The following INPP4B variants were observed in gnomAD, a reference collection of about 807,000 sequenced individuals.
INPP4B encodes inositol polyphosphate-4-phosphatase type II B.
A neutral mutation model predicts 122.5 loss-of-function variants in INPP4B; 55 were observed. That is an observed-to-expected ratio of 0.45 (90% CI 0.36 to 0.56). INPP4B has a LOEUF of 0.56. Among genes scored for constraint, INPP4B ranks in the 20% least tolerant of loss-of-function variants. The probability of loss-of-function intolerance (pLI) is 0.00; values close to 1 mark genes in which losing one functional copy is unlikely to be tolerated. For synonymous variants in INPP4B, 403 were observed against 388.7 expected (o/e 1.04, Z -0.43); for missense variants, 1,000 against 1,097.7 (o/e 0.91, Z 1.26).
At chr4:142,721,605 G>A (rs1764689681) in intron 2 of INPP4B, among the ~76,000 whole-genome samples, 1 of 152,098 alleles carries the variant, frequency 6.6e-6, no homozygotes, top group African/African-American at 2.4e-5. Context: ...GGTGGATCAT[G>A]AGGTCAGGAG....
At chr4:142,314,021 C>T (rs1766528493) in intron 8 of INPP4B, among the ~76,000 whole-genome samples, 1 of 152,152 alleles carries the variant, frequency 6.6e-6, no homozygotes, top group Admixed American at 6.5e-5. Flanking sequence ...TTTCAAATAG[C>T]TCTTCCAGTT....
At chr4:142,645,768 C>A (rs535239863) in intron 2 of INPP4B, among the ~76,000 whole-genome samples, 2 of 152,178 alleles carry the variant, frequency 1.3e-5, no homozygotes, top group Non-Finnish European at 2.9e-5. Flanking sequence ...ATCTATAAGC[C>A]ACTGCCATTT....
At chr4:142,772,512 A>G (rs1773242541) in intron 1 of INPP4B, among the ~76,000 whole-genome samples, 1 of 152,148 alleles carries the variant, frequency 6.6e-6, no homozygotes, top group Non-Finnish European at 1.5e-5. Flanking sequence ...CAGTAGATGG[A>G]AGAAAAGGGA....
chr4:142,547,313 A>G (rs1829751553), intron 2 of INPP4B, among the ~76,000 whole-genome samples: 2 of 152,084 alleles, frequency 1.3e-5, no homozygotes, highest in Admixed American at 1.3e-4. Flanking sequence ...TAAGAATAAA[A>G]CATCCTGACA....
At chr4:142,245,192 TTTC>T (rs1561594989) in intron 11 of INPP4B, among the ~76,000 whole-genome samples, 3 of 152,216 alleles carry the variant, frequency 2.0e-5, no homozygotes, top group Admixed American at 1.3e-4. Flanking sequence ...CTGATGATAG[TTTC>T]TTTTCTGTGC....
At chr4:142,377,812 T>C (rs1792541690) in intron 7 of INPP4B, among the ~76,000 whole-genome samples, 1 of 152,096 alleles carries the variant, frequency 6.6e-6, no homozygotes, top group Admixed American at 6.6e-5. Flanking sequence ...TTCATTACTC[T>C]TCATAGATTT....
At position 142,119,425 on chromosome 4, in the gene INPP4B, A is replaced by G. The variant is rs139518284; in HGVS notation, c.2135+2703T>C. On this transcript the variant is annotated intron_variant, in intron 21 of 25. Transcript: ENST00000262992. ...TGTCCATCAATGATAGAATGCATTTAGAAAATGTGTCACATATACACCATG... is the reference window on the plus strand; with the variant it reads ...TGTCCATCAATGATAGAATGCATTTGGAAAATGTGTCACATATACACCATG... Among the ~76,000 whole-genome samples, 481 of 152,296 alleles carry G rather than the reference A, an allele frequency of 3.2e-3. 5 individuals are homozygous for G. The highest frequency in any genetic ancestry group is 0.011 in the African/African-American group (454 of 41,572).
chr4:142,487,820 T>C (rs1821389915), intron 2 of INPP4B, among the ~76,000 whole-genome samples: 1 of 152,182 alleles, frequency 6.6e-6, no homozygotes, highest in African/African-American at 2.4e-5. Flanking sequence ...TTTAGTTGCC[T>C]TTTTGATTTG....
chr4:142,255,899 A>G (rs1321861479), intron 11 of INPP4B, among the ~76,000 whole-genome samples: 8 of 148,540 alleles, frequency 5.4e-5, no homozygotes, highest in African/African-American at 2.0e-4. Flanking sequence ...AACAGAATAT[A>G]CATTTTTTTC....
Position 142,137,021 on chromosome 4 carries a change from T to C in INPP4B, c.1720+8819A>G, listed in dbSNP as rs138316188. 3.4e-3 allele frequency among the ~76,000 whole-genome samples: 519 copies of C among 152,214 alleles called. 1 individual carries two copies. Among genetic ancestry groups the C allele is most frequent in the Admixed American group, 5.7e-3 (87 of 15,282 alleles). ...GATACCAATGAGTTTCTTCATAGAA[T>C]TGGAAAAAACTACTTTAAAGTTCAT... On this transcript the variant is annotated intron_variant, in intron 18 of 25. Transcript: ENST00000262992.
At chr4:142,139,030 T>C (rs1806285131) in intron 18 of INPP4B, among the ~76,000 whole-genome samples, 1 of 152,178 alleles carries the variant, frequency 6.6e-6, no homozygotes, top group Admixed American at 6.5e-5. Flanking sequence ...AAGTCTTTTA[T>C]CTTGTAAGTG....
intron 2 of INPP4B, among the ~76,000 whole-genome samples, chr4:142,691,579 T>A (rs1339295147): frequency 6.6e-6 from 1 of 151,990 alleles, no homozygotes; most frequent in Non-Finnish European, 1.5e-5. Flanking sequence ...CAACCCAGAT[T>A]TAGAAAAAAC....
At chr4:142,040,434 T>C (rs1364964552) in intron 25 of INPP4B, among the ~76,000 whole-genome samples, 1 of 152,166 alleles carries the variant, frequency 6.6e-6, no homozygotes, top group Non-Finnish European at 1.5e-5. Flanking sequence ...CAAAGCTCAG[T>C]GCAAGGGAAG....
chr4:142,322,156 C>A (rs867955635), intron 7 of INPP4B, among the ~76,000 whole-genome samples: 67 of 152,080 alleles, frequency 4.4e-4, no homozygotes, highest in African/African-American at 1.4e-3. Flanking sequence ...TAAAATCTAT[C>A]AGCTAGTCTT....
intron 15 of INPP4B, among the ~76,000 whole-genome samples, chr4:142,176,364 C>A (rs1018666522): frequency 7.2e-5 from 11 of 151,748 alleles, no homozygotes; most frequent in Admixed American, 3.3e-4. Flanking sequence ...TGGAAAAAAA[C>A]CACATGACTG....
intron 14 of INPP4B, among the ~76,000 whole-genome samples, chr4:142,197,825 C>G (rs1167269212): frequency 1.3e-5 from 2 of 152,008 alleles, no homozygotes; most frequent in Non-Finnish European, 2.9e-5. Context: ...GATAATAAAA[C>G]AGATTTTCCA....
intron 3 of INPP4B, among the ~76,000 whole-genome samples, chr4:142,435,895 G>A (rs190234309): frequency 6.6e-6 from 1 of 152,136 alleles, no homozygotes; most frequent in Non-Finnish European, 1.5e-5. Flanking sequence ...CAGGTTTCTG[G>A]GGGGAGGGGC....
intron 25 of INPP4B, among the ~76,000 whole-genome samples, chr4:142,054,255 A>AT (rs898446994): frequency 3.3e-4 from 49 of 149,390 alleles, no homozygotes; most frequent in East Asian, 5.9e-4. Context: ...ACAACACCCT[A>AT]TTTTTTTTTT....
intron 8 of INPP4B, among the ~76,000 whole-genome samples, chr4:142,313,853 T>C (rs970914488): frequency 1.3e-5 from 2 of 152,208 alleles, no homozygotes; most frequent in Non-Finnish European, 2.9e-5. Context: ...ACTGACATTC[T>C]GCTCAGTCAA....
Sources: allele counts gnomAD v4.1 joint callset (sites outside exome capture counted in the v4.1 genomes callset), GRCh38; gene constraint gnomAD v4.1.1; transcripts MANE v1.5; gene names NCBI Gene and HGNC (gene_info 2026-07-23, HGNC 2026-07-21).